The following TULP3 variants were observed in gnomAD, a reference collection of about 807,000 sequenced individuals.
TULP3 encodes tubby-related protein 3.
TULP3 carries 38 observed loss-of-function variants against 50.7 expected under a neutral mutation model. The observed-to-expected ratio is 0.75, with a 90% CI of 0.58 to 0.98. TULP3 has a LOEUF of 0.98. TULP3 is among the 50% of genes least tolerant of loss of function. TULP3 has a pLI of 0.00. For synonymous variants in TULP3, 183 were observed against 196.6 expected (o/e 0.93, Z 0.58); for missense variants, 550 against 568.0 (o/e 0.97, Z 0.32).
At chr12:2,906,497 T>C (rs1266579869) in intron 1 of TULP3, among the ~76,000 whole-genome samples, 2 of 151,454 alleles carry the variant, frequency 1.3e-5, no homozygotes, top group African/African-American at 2.4e-5. Context: ...CCCAGCTAAT[T>C]TTTTGTATTT....
At chr12:2,937,316 A>G (rs1401575572) in intron 8 of TULP3, among the ~76,000 whole-genome samples, 2 of 132,942 alleles carry the variant, frequency 1.5e-5, no homozygotes, top group Non-Finnish European at 3.1e-5. Flanking sequence ...TCCTGGGTTC[A>G]AGCAATTCTC....
At chr12:2,902,884 CAG>C in intron 1 of TULP3, among the ~76,000 whole-genome samples, 1 of 138,668 alleles carries the variant, frequency 7.2e-6, no homozygotes, top group East Asian at 2.1e-4. Context: ...TTTTTTGAGA[CAG>C]AGTCTCGCGC....
chr12:2,914,229 G>A (rs374443541), intron 2 of TULP3, among the ~76,000 whole-genome samples: 90 of 148,248 alleles, frequency 6.1e-4, no homozygotes, highest in Middle Eastern at 7.1e-3. Flanking sequence ...GGTTCAAGCA[G>A]TTCTCCTGCC....
At chr12:2,907,307 C>A (rs938900368) in intron 1 of TULP3, among the ~76,000 whole-genome samples, 5 of 152,000 alleles carry the variant, frequency 3.3e-5, no homozygotes, top group Admixed American at 1.3e-4. Flanking sequence ...GAAACCCCGT[C>A]TACTAAAAAT....
intron 4 of TULP3, among the ~76,000 whole-genome samples, chr12:2,926,771 G>C (rs1390475402): frequency 1.3e-5 from 2 of 152,116 alleles, no homozygotes; most frequent in African/African-American, 4.8e-5. Flanking sequence ...AGGTGTGGTG[G>C]TGGTGGGCAG....
chr12:2,928,290 G>C (rs1229501448), intron 4 of TULP3, among the ~76,000 whole-genome samples: 1 of 152,078 alleles, frequency 6.6e-6, no homozygotes, highest in Admixed American at 6.6e-5. Flanking sequence ...CAGCACTTTG[G>C]GAGGCTTAGG....
intron 8 of TULP3, among the ~76,000 whole-genome samples, chr12:2,936,576 G>A (rs535834514): frequency 6.5e-5 from 9 of 138,540 alleles, no homozygotes; most frequent in East Asian, 4.3e-4. Context: ...ACCCCGTCTC[G>A]ACTAAAAAAA....
At chr12:2,907,342 A>G (rs1366097439) in intron 1 of TULP3, among the ~76,000 whole-genome samples, 1 of 151,984 alleles carries the variant, frequency 6.6e-6, no homozygotes, top group African/African-American at 2.4e-5. Flanking sequence ...CGGTGTAGCA[A>G]CGTGCACCTA....
intron 4 of TULP3, among the ~76,000 whole-genome samples, chr12:2,926,062 G>A (rs1026664077): frequency 3.9e-5 from 6 of 152,190 alleles, no homozygotes; most frequent in Non-Finnish European, 7.4e-5. Flanking sequence ...TGTCTTAAAA[G>A]TTTCAGAGAG....
chr12:2,905,291 T>G (rs1368480457), intron 1 of TULP3, among the ~76,000 whole-genome samples: 1 of 151,002 alleles, frequency 6.6e-6, no homozygotes, highest in Non-Finnish European at 1.5e-5. Flanking sequence ...GTTCAAGCAA[T>G]TCTCTTGCCT....
Position 2,931,139 on chromosome 12 carries a change from G to A in TULP3, c.595G>A (p.Gly199Ser). The change falls in exon 6 of 11, where the codon GGT (glycine) becomes AGT (serine). Residue 199 changes from glycine to serine, a missense_variant. Gly to Ser is a moderately conservative substitution (Grantham distance 56, BLOSUM62 0). Coordinates refer to ENST00000448120, the MANE Select transcript of TULP3 (RefSeq NM_003324.5). ...EDFVYSPAPQ[G>S]VTVRCRIIRD... is the part of the protein sequence containing the mutation. ...CTTTGTGTATAGTCCTGCCCCTCAA[G>A]GTGTCACAGTAAGATGTCGGATAAT... 6.2e-7 allele frequency: 1 copy of A among 1,614,116 alleles called. No homozygotes were observed. The highest frequency in any genetic ancestry group is 2.2e-5 in the East Asian group (1 of 44,874).
At chr12:2,894,593 A>T (rs1479800217) in intron 1 of TULP3, among the ~76,000 whole-genome samples, 3 of 151,546 alleles carry the variant, frequency 2.0e-5, no homozygotes, top group Non-Finnish European at 4.4e-5. Flanking sequence ...GAGATCTGTC[A>T]AGATAAAAAG....
chr12:2,898,208 A>G (rs768344464), intron 1 of TULP3, among the ~76,000 whole-genome samples: 2 of 152,146 alleles, frequency 1.3e-5, no homozygotes, highest in African/African-American at 2.4e-5. Flanking sequence ...AAATTAGGAA[A>G]CTTGAGGCTT....
intron 4 of TULP3, among the ~76,000 whole-genome samples, chr12:2,929,072 G>A (rs1361657031): frequency 6.7e-6 from 1 of 148,664 alleles, no homozygotes; most frequent in African/African-American, 2.5e-5. Context: ...TTTTTTAAGA[G>A]TTCGGGTGGG....
At chr12:2,906,969 C>T (rs1461679096) in intron 1 of TULP3, among the ~76,000 whole-genome samples, 3 of 151,888 alleles carry the variant, frequency 2.0e-5, no homozygotes, top group Non-Finnish European at 4.4e-5. Flanking sequence ...ACTACTAGTC[C>T]ATAACAGTGG....
intron 2 of TULP3, among the ~76,000 whole-genome samples, chr12:2,918,773 C>T (rs1294333456): frequency 6.6e-6 from 1 of 152,032 alleles, no homozygotes; most frequent in Non-Finnish European, 1.5e-5. Context: ...CTCCCGACCT[C>T]AGGTGATCCG....
At chr12:2,930,875 C>T in intron 5 of TULP3, 162 bp from the exon 6 acceptor site, 1 of 751,268 alleles carries the variant, frequency 1.3e-6, no homozygotes, top group Non-Finnish European at 2.3e-6. Flanking sequence ...TCATTACTCT[C>T]AATATTCATA....
chr12:2,931,573 A>G (rs2098198079), intron 6 of TULP3, among the ~76,000 whole-genome samples: 2 of 152,224 alleles, frequency 1.3e-5, no homozygotes, highest in African/African-American at 2.4e-5. Context: ...TTATTACGGA[A>G]GAACATGACA....
chr12:2,941,019 G>T lies in TULP3; in HGVS notation c.*1575G>T. The T allele has an allele frequency of 2.7e-6, 1 of 367,366 alleles. No homozygotes were observed. Among genetic ancestry groups the T allele is most frequent in the Non-Finnish European group, 4.9e-6 (1 of 204,804 alleles). 22.8% of individuals were successfully genotyped at this position (367,366 alleles called of 1,614,324 possible). ...CCTCATCCTGCTTCTTCCTCCCTCT[G>T]GTTTAAAGAGATATATAAACTAATT... On this transcript the variant is annotated 3_prime_UTR_variant, in exon 11 of 11. Coordinates refer to ENST00000448120, the MANE Select transcript of TULP3 (RefSeq NM_003324.5).
Sources: allele counts gnomAD v4.1 joint callset (sites outside exome capture counted in the v4.1 genomes callset), GRCh38; gene constraint gnomAD v4.1.1; transcripts MANE v1.5; gene names NCBI Gene and HGNC (gene_info 2026-07-23, HGNC 2026-07-21).